The following SYNE1 variants were observed in gnomAD, a reference collection of about 807,000 sequenced individuals.
The protein encoded by SYNE1 is nesprin-1.
SYNE1 carries 616 observed loss-of-function variants against 1,111.0 expected under a neutral mutation model. The observed-to-expected ratio is 0.55, with a 90% confidence interval of 0.52 to 0.59. The LOEUF is 0.59. SYNE1 is among the 20% of genes least tolerant of loss of function. SYNE1 has a pLI of 0.00. For synonymous variants in SYNE1, 3,855 were observed against 3,825.8 expected, an observed-to-expected ratio of 1.01 and a Z score of -0.28; for missense variants, 10,006 against 10,417.0, an observed-to-expected ratio of 0.96 and a Z score of 1.72.
intron 4 of SYNE1, among the ~76,000 whole-genome samples, chr6:152,536,409 A>AT (rs1446974411): frequency 1.4e-5 from 2 of 138,870 alleles, no homozygotes; most frequent in African/African-American, 2.7e-5. Flanking sequence ...TACTATATAT[A>AT]GTAATATATA....
At chr6:152,176,176 G>A (rs1036799258) in intron 130 of SYNE1, among the ~76,000 whole-genome samples, 2 of 151,962 alleles carry the variant, frequency 1.3e-5, no homozygotes, top group Non-Finnish European at 2.9e-5. Flanking sequence ...TCTCTTTCTC[G>A]CAGCTACATA....
chr6:152,244,965 A>G (rs991622817), intron 105 of SYNE1, among the ~76,000 whole-genome samples: 1 of 152,176 alleles, frequency 6.6e-6, no homozygotes, highest in Non-Finnish European at 1.5e-5. Flanking sequence ...CAATAGTTAA[A>G]AAAAAGAGCA....
intron 3 of SYNE1, among the ~76,000 whole-genome samples, chr6:152,578,805 A>G (rs1388257375): frequency 6.6e-6 from 1 of 152,138 alleles, no homozygotes; most frequent in Non-Finnish European, 1.5e-5. Flanking sequence ...ATCTAATAAC[A>G]TTTTATATGA....
chr6:152,318,687 TC>T (rs1386074116), intron 85 of SYNE1, among the ~76,000 whole-genome samples, 175 bp downstream of exon 85: 9 of 152,244 alleles, frequency 5.9e-5, no homozygotes, highest in African/African-American at 2.2e-4. Flanking sequence ...ATTATAATGA[TC>T]AATTATGTAA....
intron 12 of SYNE1, among the ~76,000 whole-genome samples, chr6:152,487,776 T>C (rs984804814): frequency 6.6e-6 from 1 of 152,190 alleles, no homozygotes; most frequent in Non-Finnish European, 1.5e-5. Context: ...AGGTGAGATC[T>C]ATAAGATCAT....
chr6:152,215,167 C>T (rs2078329435), intron 121 of SYNE1, 107 bp from the exon 122 acceptor site: 1 of 1,273,050 alleles, frequency 7.9e-7, no homozygotes, highest in Non-Finnish European at 1.1e-6. Flanking sequence ...GGTCTTCGGT[C>T]TAGTGGCCTC....
chr6:152,190,523 T>G (rs1254613619), intron 127 of SYNE1, among the ~76,000 whole-genome samples: 2 of 152,220 alleles, frequency 1.3e-5, no homozygotes, highest in East Asian at 3.8e-4. Context: ...TTTTAATAGA[T>G]GATAGCAAAG....
At chr6:152,165,936 G>A (rs1000665185) in intron 130 of SYNE1, among the ~76,000 whole-genome samples, 3 of 152,198 alleles carry the variant, frequency 2.0e-5, no homozygotes, top group African/African-American at 7.2e-5. Context: ...CAGACTGAAA[G>A]AAGAGTTTAC....
At chr6:152,372,202 T>C (rs891784976) in intron 59 of SYNE1, among the ~76,000 whole-genome samples, 2 of 152,156 alleles carry the variant, frequency 1.3e-5, no homozygotes, top group Admixed American at 1.3e-4. Context: ...TAAAGAAACA[T>C]TTCTAGGCAC....
intron 130 of SYNE1, among the ~76,000 whole-genome samples, chr6:152,164,860 A>G (rs1161208226): frequency 1.3e-5 from 2 of 152,330 alleles, no homozygotes; most frequent in East Asian, 1.9e-4. Context: ...GGCACTGCTC[A>G]TAACAGAGGT....
intron 22 of SYNE1, among the ~76,000 whole-genome samples, chr6:152,457,441 T>A (rs1295965247): frequency 6.6e-6 from 1 of 152,188 alleles, no homozygotes; most frequent in Non-Finnish European, 1.5e-5. Context: ...TGGCAAACCT[T>A]TTGTACATTA....
At chr6:152,442,369 A>ATT (rs1384608698) in intron 30 of SYNE1, 124 bp from the exon 31 acceptor site, 1 of 1,121,478 alleles carries the variant, frequency 8.9e-7, no homozygotes, top group African/African-American at 1.5e-5. Context: ...TAAAGCTAAG[A>ATT]TTAACAGTTG....
intron 55 of SYNE1, 71 bp from the exon 56 acceptor site, chr6:152,381,433 A>G (rs2097413149): frequency 3.3e-6 from 5 of 1,497,058 alleles, no homozygotes; most frequent in Non-Finnish European, 4.6e-6. Flanking sequence ...TCAACTGTGT[A>G]CACAGGGGGA....
In SYNE1 at chr6:152,441,158, C is replaced by T. The variant is rs1554707111; in HGVS notation, c.4121G>A (p.Ser1374Asn). Reference protein sequence around the residue: ...ERFLSFSSLESLSSELEQTKE... With the variant: ...ERFLSFSSLENLSSELEQTKE... ...TGTTTGTTCCAGTTCTGAAGATAAA[C>T]TTTCCAAACTGCTAAAACTCAAGAA... Residue 1374 changes from serine (S) to asparagine (N), a missense_variant, in exon 32 of 146, where the codon AGT becomes AAT. Physicochemically the swap from Ser to Asn is conservative, Grantham distance 46 (BLOSUM62 1). This residue lies in a region of SYNE1 where 1,971 missense variants were observed against 2,084.1 expected (regional missense o/e 0.95). Coordinates refer to ENST00000367255, the MANE Select transcript of SYNE1 (RefSeq NM_182961.4). 1 of 1,613,640 alleles carries T rather than the reference C, an allele frequency of 6.2e-7. No individual in the cohort carries two copies. The highest frequency in any genetic ancestry group is 1.7e-5 in the Admixed American group (1 of 60,024).
At chr6:152,461,823 A>C in intron 20 of SYNE1, 83 bp from the exon 21 acceptor site, 1 of 1,569,042 alleles carries the variant, frequency 6.4e-7, no homozygotes, top group Non-Finnish European at 8.7e-7. Flanking sequence ...CAGAACAAAA[A>C]TCAATATGCA....
intron 132 of SYNE1, 125 bp downstream of exon 132, chr6:152,155,785 G>T: frequency 8.8e-7 from 1 of 1,136,992 alleles, no homozygotes; most frequent in Non-Finnish European, 1.3e-6. Context: ...TAGTAAGTTT[G>T]GGAAGCCACA....
intron 95 of SYNE1, among the ~76,000 whole-genome samples, chr6:152,289,906 A>T (rs113981140): frequency 6.8e-6 from 1 of 147,700 alleles, no homozygotes; most frequent in Non-Finnish European, 1.5e-5. Context: ...GATTACAGGC[A>T]TGAGCTACCG....
At chr6:152,444,601 A>T in intron 29 of SYNE1, 23 bp from the exon 30 acceptor site, 1 of 1,599,812 alleles carries the variant, frequency 6.3e-7, no homozygotes, top group Non-Finnish European at 8.5e-7. Context: ...GAAAAAAAAA[A>T]ACACGTAAAT....
chr6:152,385,964 T>A, intron 54 of SYNE1, 126 bp from the exon 55 acceptor site: 1 of 875,568 alleles, frequency 1.1e-6, no homozygotes, highest in South Asian at 1.5e-5. Flanking sequence ...TCTTGAATTT[T>A]CTCTGAGTTT....
Sources: gnomAD v4.1 joint callset for allele counts (sites outside exome capture counted in the v4.1 genomes callset) on GRCh38, gnomAD v4.1.1 for gene constraint, gnomAD v4.1.1 regional missense constraint, MANE v1.5 for transcripts, NCBI Gene and HGNC (gene_info 2026-07-23, HGNC 2026-07-21) for gene names.